Variants in MYO18B observed in about 807,000 individuals in gnomAD.
The protein encoded by MYO18B is unconventional myosin-XVIIIb.
MYO18B carries 204 observed loss-of-function variants against 273.0 expected under a neutral mutation model. The ratio of observed to expected loss-of-function variants is 0.75; its 90% confidence interval spans 0.67 to 0.84. The LOEUF (loss-of-function observed/expected upper bound fraction) is 0.84. MYO18B is among the 40% of genes least tolerant of loss of function. The pLI, the probability that MYO18B is intolerant of heterozygous loss-of-function variation, is 0.00. For synonymous variants in MYO18B, 1,330 were observed against 1,305.7 expected, an observed-to-expected ratio of 1.02 and a Z score of -0.40; for missense variants, 3,212 against 3,287.6, an observed-to-expected ratio of 0.98 and a Z score of 0.56.
chr22:26,037,656 G>T, the MYO18B span, among the ~76,000 whole-genome samples: 1 of 152,152 alleles, frequency 6.6e-6, no homozygotes, highest in Non-Finnish European at 1.5e-5. Context: ...AATCTCAAGC[G>T]ACCTACCTCA....
intron 1 of MYO18B, among the ~76,000 whole-genome samples, chr22:25,745,854 G>A (rs2085764075): frequency 6.6e-6 from 1 of 152,196 alleles, no homozygotes; most frequent in African/African-American, 2.4e-5. Flanking sequence ...CAATTTCATG[G>A]AGGGCAGCTG....
intron 22 of MYO18B, among the ~76,000 whole-genome samples, chr22:25,871,394 G>A (rs2091040874): frequency 6.6e-6 from 1 of 152,204 alleles, no homozygotes; most frequent in African/African-American, 2.4e-5. Flanking sequence ...TATCAAGCAG[G>A]ATAACATTTT....
intron 1 of MYO18B, among the ~76,000 whole-genome samples, chr22:25,750,154 C>G (rs895486429): frequency 6.6e-6 from 1 of 152,126 alleles, no homozygotes; most frequent in Non-Finnish European, 1.5e-5. Flanking sequence ...TTTTCTGGGC[C>G]TGAACTGTCA....
chr22:25,970,729 C>G (rs1279811926), intron 39 of MYO18B, among the ~76,000 whole-genome samples: 1 of 152,184 alleles, frequency 6.6e-6, no homozygotes, highest in Non-Finnish European at 1.5e-5. Context: ...ACTAGCTTTC[C>G]TGTTTGCTTT....
chr22:26,031,255 G>A (rs904588282), downstream of MYO18B, among the ~76,000 whole-genome samples: 2 of 152,152 alleles, frequency 1.3e-5, no homozygotes, highest in Non-Finnish European at 2.9e-5. Context: ...CCCCTCTGGT[G>A]TAGCCAATCA....
chr22:25,791,162 G>GAGAT (rs3070121), intron 11 of MYO18B, among the ~76,000 whole-genome samples: 144,996 of 152,042 alleles, frequency 0.95, 69,346 homozygotes, highest in Non-Finnish European at 0.99. Context: ...CCAAGCTGGA[G>GAGAT]AGATATGTGC....
intron 6 of MYO18B, among the ~76,000 whole-genome samples, chr22:25,771,770 A>G (rs369497155): frequency 3.9e-5 from 6 of 152,350 alleles, no homozygotes; most frequent in African/African-American, 1.4e-4. Flanking sequence ...GCTGGAGAGA[A>G]TAATAGGACG....
At position 25,999,608 on chromosome 22, in the gene MYO18B, T is replaced by C. The variant is rs1011975310; in HGVS notation, c.6288-3657T>C. Among the ~76,000 whole-genome samples, 60 of 119,072 alleles carry C rather than the reference T, an allele frequency of 5.0e-4. 1 individual carries two copies. Among genetic ancestry groups the C allele is most frequent in the Admixed American group, 3.3e-3 (37 of 11,094 alleles). 78.1% of individuals were successfully genotyped at this position (119,072 alleles called of 152,430 possible). A position where few individuals can be genotyped will look rare whatever the true frequency, so the allele number is the denominator to read the frequency against. On this transcript the variant is annotated intron_variant, in intron 40 of 43. Coordinates refer to ENST00000335473, the MANE Select transcript of MYO18B (RefSeq NM_032608.7). Reference sequence around the variant, plus strand: ...CCTCCTCTTCCTCCTTTCTCCTCCTTCTCCTTCTCTTCCTCCTCCTCCTCC... The same window carrying C: ...CCTCCTCTTCCTCCTTTCTCCTCCTCCTCCTTCTCTTCCTCCTCCTCCTCC...
chr22:25,890,466 C>T (rs1291791148), intron 25 of MYO18B, among the ~76,000 whole-genome samples: 1 of 152,232 alleles, frequency 6.6e-6, no homozygotes, highest in Non-Finnish European at 1.5e-5. Context: ...AATGGATTAT[C>T]TCCTTGAATC....
chr22:25,908,143 G>T (rs1274258811), intron 31 of MYO18B, among the ~76,000 whole-genome samples, 179 bp from the exon 32 acceptor site: 1 of 152,172 alleles, frequency 6.6e-6, no homozygotes, highest in African/African-American at 2.4e-5. Context: ...AATGGATAGA[G>T]GCAATATTTA....
intron 11 of MYO18B, among the ~76,000 whole-genome samples, chr22:25,791,360 C>G (rs1032810632): frequency 6.6e-6 from 1 of 152,220 alleles, no homozygotes; most frequent in African/African-American, 2.4e-5. Flanking sequence ...CCAGCCAAAG[C>G]AAGGACCCCA....
At chr22:25,829,063 C>T in intron 15 of MYO18B, 95 bp downstream of exon 15, 2 of 1,338,336 alleles carry the variant, frequency 1.5e-6, no homozygotes, top group Non-Finnish European at 2.0e-6. Context: ...CAGGAGCCTG[C>T]AGCTTCACCC....
chr22:25,779,985 G>A, intron 8 of MYO18B, 71 bp from the exon 9 acceptor site: 1 of 1,482,892 alleles, frequency 6.7e-7, no homozygotes, highest in Non-Finnish European at 9.0e-7. Flanking sequence ...TGGAAAAGGT[G>A]GACCTGTGTG....
intron 22 of MYO18B, among the ~76,000 whole-genome samples, chr22:25,873,064 G>A (rs937353054): frequency 4.6e-5 from 7 of 152,140 alleles, no homozygotes; most frequent in Non-Finnish European, 1.0e-4. Flanking sequence ...CTTGCGCATT[G>A]GCAGGAGCAG....
At chr22:25,743,822 T>C (rs1206086161) in intron 1 of MYO18B, among the ~76,000 whole-genome samples, 1 of 152,196 alleles carries the variant, frequency 6.6e-6, no homozygotes, top group Non-Finnish European at 1.5e-5. Context: ...CTAGACCACC[T>C]CTGGGATCTT....
chr22:25,763,485 TC>T (rs2086401855), intron 3 of MYO18B, 96 bp downstream of exon 3: 2 of 1,392,630 alleles, frequency 1.4e-6, no homozygotes, highest in Non-Finnish European at 1.9e-6. Context: ...CTGCCTTTGC[TC>T]CTGCTGTCCT....
intron 34 of MYO18B, among the ~76,000 whole-genome samples, chr22:25,921,885 A>C (rs895700834): frequency 1.1e-4 from 16 of 152,014 alleles, no homozygotes; most frequent in Admixed American, 7.2e-4. Context: ...TATGAGCCAA[A>C]TAGCAATAGT....
chr22:25,994,699 C>G lies in MYO18B; in HGVS notation c.6287+2206C>G, dbSNP rs78339439. On this transcript the variant is annotated intron_variant, in intron 40 of 43. Transcript: ENST00000335473. ...GCATTTAGGATTCCACCTCCACTGC[C>G]CCCTCCTCCTGTTTTATTAATTAGT... is the stretch of plus-strand genomic sequence containing the variant. Among the ~76,000 whole-genome samples the G allele has an allele frequency of 5.1e-3, 773 of 152,256 alleles. 5 individuals carry two copies. Among genetic ancestry groups the G allele is most frequent in the African/African-American group, 0.017 (717 of 41,560 alleles).
chr22:25,872,107 T>C (rs2091063868), intron 22 of MYO18B, among the ~76,000 whole-genome samples: 1 of 152,166 alleles, frequency 6.6e-6, no homozygotes, highest in Non-Finnish European at 1.5e-5. Context: ...TTGGTGGCCC[T>C]GTCTGATAGG....
Sources: allele counts gnomAD v4.1 joint callset (sites outside exome capture counted in the v4.1 genomes callset), GRCh38; gene constraint gnomAD v4.1.1; transcripts MANE v1.5; gene names NCBI Gene and HGNC (gene_info 2026-07-23, HGNC 2026-07-21).